The following FAM193A variants were observed in gnomAD, a reference collection of about 807,000 sequenced individuals.
The protein encoded by FAM193A is family with sequence similarity 193 member A.
FAM193A carries 22 observed loss-of-function variants against 126.5 expected under a neutral mutation model. The ratio of observed to expected loss-of-function variants is 0.17; its 90% CI spans 0.12 to 0.25. The LOEUF (loss-of-function observed/expected upper bound fraction) is 0.25, where lower values mean the gene tolerates loss of function less well. Among genes scored for constraint, FAM193A ranks in the 10% least tolerant of loss-of-function variants. The pLI is 1.00. For missense variants in FAM193A, 1,675 were observed against 1,672.8 expected, an observed-to-expected ratio of 1.00 and a Z score of -0.02; for synonymous variants, 761 against 646.8, an observed-to-expected ratio of 1.18 and a Z score of -2.68.
chr4:2,706,674 A>T (rs1718345574), intron 19 of FAM193A, among the ~76,000 whole-genome samples: 1 of 148,740 alleles, frequency 6.7e-6, no homozygotes, highest in South Asian at 2.1e-4. Flanking sequence ...TACTTGTGTC[A>T]TTATTGCATT....
chr4:2,676,911 A>C (rs1714475628), intron 13 of FAM193A, among the ~76,000 whole-genome samples: 1 of 152,112 alleles, frequency 6.6e-6, no homozygotes, highest in South Asian at 2.1e-4. Flanking sequence ...ACTGCACTCC[A>C]GCTTGGGCGA....
chr4:2,636,485 C>A (rs192490181), intron 5 of FAM193A, among the ~76,000 whole-genome samples: 228 of 152,232 alleles, frequency 1.5e-3, no homozygotes, highest in Non-Finnish European at 2.7e-3. Flanking sequence ...ACTGAACTTA[C>A]CCTACTCTGT....
intron 2 of FAM193A, among the ~76,000 whole-genome samples, chr4:2,620,446 A>G (rs1560487063): frequency 6.6e-6 from 1 of 152,214 alleles, no homozygotes; most frequent in Non-Finnish European, 1.5e-5. Flanking sequence ...TTCAGATAGC[A>G]GTTTAATAGA....
chr4:2,590,499 A>AC (rs1197329011), intron 1 of FAM193A, among the ~76,000 whole-genome samples: 5,731 of 79,314 alleles, frequency 0.072, 1,248 homozygotes, highest in East Asian at 0.094. Flanking sequence ...AAAAAAACAA[A>AC]AAAAAACAAA....
intron 1 of FAM193A, among the ~76,000 whole-genome samples, chr4:2,581,066 T>C (rs1380753348): frequency 6.7e-6 from 1 of 150,006 alleles, no homozygotes; most frequent in African/African-American, 2.5e-5. Flanking sequence ...GAGGCGGAGG[T>C]TGCAGTGAGC....
At chr4:2,536,012 G>C (rs552396635), upstream of FAM193A, among the ~76,000 whole-genome samples, 1 of 152,246 alleles carries the variant, frequency 6.6e-6, no homozygotes, top group East Asian at 1.9e-4. Context: ...CAGGGATTCT[G>C]TGGTCCTCAC....
intron 20 of FAM193A, among the ~76,000 whole-genome samples, chr4:2,726,090 G>A (rs1463645761): frequency 6.6e-6 from 1 of 152,010 alleles, no homozygotes; most frequent in Admixed American, 6.6e-5. Context: ...TAGTAGAGAC[G>A]GGGTTTCACC....
At chr4:2,630,007 C>G (rs1002592855) in intron 4 of FAM193A, among the ~76,000 whole-genome samples, 2 of 151,862 alleles carry the variant, frequency 1.3e-5, no homozygotes, top group Admixed American at 1.3e-4. Context: ...TGGCGGGCAC[C>G]TGTAGTCCCA....
At chr4:2,620,277 C>G (rs1394767414) in intron 2 of FAM193A, among the ~76,000 whole-genome samples, 1 of 152,042 alleles carries the variant, frequency 6.6e-6, no homozygotes, top group Non-Finnish European at 1.5e-5. Flanking sequence ...GTTGCTTTCC[C>G]AAGTTCTTGA....
chr4:2,681,618 ATCTG>A lies in FAM193A; in HGVS notation c.2332-7880_2332-7877del, dbSNP rs535397645. Among the ~76,000 whole-genome samples the A allele has an allele frequency of 3.4e-3, 523 of 151,662 alleles. 3 individuals carry two copies. Among genetic ancestry groups the A allele is most frequent in the African/African-American group, 0.012 (504 of 41,334 alleles). ...TGTGTGCCACCATGCCCAGCTATCT[ATCTG>A]TCTGTCTATGTATTTATTTACGTAG... On this transcript the variant is annotated intron_variant, in intron 13 of 20. Transcript: ENST00000637812.
chr4:2,725,450 CAAAAAA>C (rs71644355), intron 20 of FAM193A, among the ~76,000 whole-genome samples: 4 of 31,766 alleles, frequency 1.3e-4, no homozygotes, highest in Admixed American at 3.8e-4. Context: ...ACCCTGTCTC[CAAAAAA>C]AAAAAAAAAA....
intron 2 of FAM193A, among the ~76,000 whole-genome samples, chr4:2,618,509 C>G (rs533992802): frequency 1.3e-5 from 2 of 151,880 alleles, no homozygotes; most frequent in South Asian, 4.2e-4. Flanking sequence ...CTCACTACAA[C>G]CTCTGCCTCC....
At chr4:2,721,701 T>TA (rs1295358134) in intron 20 of FAM193A, among the ~76,000 whole-genome samples, 1 of 152,182 alleles carries the variant, frequency 6.6e-6, no homozygotes, top group African/African-American at 2.4e-5. Context: ...CCGGGGAGCA[T>TA]AACTGTTAAA....
At chr4:2,611,797 T>C (rs190825944) in intron 2 of FAM193A, among the ~76,000 whole-genome samples, 7 of 152,204 alleles carry the variant, frequency 4.6e-5, no homozygotes, top group Non-Finnish European at 1.0e-4. Flanking sequence ...TATACAGCAC[T>C]GTCCTCTGAA....
intron 1 of FAM193A, among the ~76,000 whole-genome samples, chr4:2,580,410 A>G (rs937766337): frequency 2.0e-5 from 3 of 152,206 alleles, no homozygotes; most frequent in South Asian, 4.1e-4. Flanking sequence ...TGAAGAAATA[A>G]TCGGTACAAC....
At chr4:2,544,227 A>AT (rs1270759820) in intron 1 of FAM193A, among the ~76,000 whole-genome samples, 1 of 152,140 alleles carries the variant, frequency 6.6e-6, no homozygotes, top group African/African-American at 2.4e-5. Context: ...GTGATTCAGT[A>AT]TTTTTTCTAT....
chr4:2,705,101 G>A (rs1027791062), intron 19 of FAM193A, among the ~76,000 whole-genome samples: 3 of 152,070 alleles, frequency 2.0e-5, no homozygotes, highest in Non-Finnish European at 4.4e-5. Context: ...TAGTAGAGAC[G>A]GGGTTTCACC....
At chr4:2,643,418 A>T (rs1280532688) in intron 6 of FAM193A, among the ~76,000 whole-genome samples, 2 of 152,198 alleles carry the variant, frequency 1.3e-5, no homozygotes, top group Non-Finnish European at 2.9e-5. Context: ...ATTATGGTAA[A>T]GTATATATAA....
chr4:2,596,271 C>T lies in FAM193A; in HGVS notation c.443C>T (p.Pro148Leu), dbSNP rs943440519. 9 of 702,886 alleles carry T rather than the reference C, an allele frequency of 1.3e-5. No homozygotes were observed. Among genetic ancestry groups the T allele is most frequent in the African/African-American group, 5.2e-5 (3 of 57,246 alleles). 43.5% of individuals were successfully genotyped at this position (702,886 alleles called of 1,614,324 possible). A position where few individuals can be genotyped will look rare whatever the true frequency, so the allele number is the denominator to read the frequency against. Reference protein sequence around the residue: ...SVLHLPLWVCPDCRRTVEKEE... With the variant: ...SVLHLPLWVCLDCRRTVEKEE... ...CTGCACCTGCCACTGTGGGTGTGCC[C>T]GGACTGCCGCAGGACCGTGGAGAAG... Residue 148 changes from proline to leucine, a missense_variant, in exon 2 of 21, where the codon CCG becomes CTG. Around this residue, in one of 4 missense-constraint regions of FAM193A, gnomAD observed 1,186 missense variants for 1,109.2 expected, o/e 1.07. Coordinates refer to ENST00000637812, the MANE Select transcript of FAM193A (RefSeq NM_001366318.2).
Sources: gnomAD v4.1 joint callset for allele counts (sites outside exome capture counted in the v4.1 genomes callset) on GRCh38, gnomAD v4.1.1 for gene constraint, gnomAD v4.1.1 regional missense constraint, MANE v1.5 for transcripts, NCBI Gene and HGNC (gene_info 2026-07-23, HGNC 2026-07-21) for gene names.